Variants in CSMD1 observed in about 807,000 individuals in gnomAD.
The protein encoded by CSMD1 is CUB and sushi domain-containing protein 1.
Under a neutral mutation model 417.5 loss-of-function variants are expected in CSMD1, and 213 were observed. The observed-to-expected ratio is 0.51, with a 90% CI of 0.46 to 0.57. CSMD1 has a LOEUF of 0.57. Ranked by LOEUF, CSMD1 falls within the 20% of genes least tolerant of loss-of-function variation. CSMD1 has a pLI of 0.00. For synonymous variants in CSMD1, 2,862 were observed against 1,736.8 expected (o/e 1.65, Z -16.11); for missense variants, 6,923 against 4,529.7 (o/e 1.53, Z -15.17).
intron 1 of CSMD1, among the ~76,000 whole-genome samples, chr8:4,740,912 C>G (rs2117003892): frequency 6.6e-6 from 1 of 152,258 alleles, no homozygotes; most frequent in East Asian, 1.9e-4. Flanking sequence ...ACTTTCCTGA[C>G]TTTAAAGTTT....
At chr8:3,960,904 C>T (rs1331549211) in intron 5 of CSMD1, among the ~76,000 whole-genome samples, 3 of 151,924 alleles carry the variant, frequency 2.0e-5, no homozygotes, top group African/African-American at 7.2e-5. Context: ...TCACAAAAGT[C>T]CTCTAGACTT....
intron 1 of CSMD1, among the ~76,000 whole-genome samples, chr8:4,743,558 C>G (rs957136803): frequency 2.0e-5 from 3 of 152,170 alleles, no homozygotes; most frequent in Non-Finnish European, 2.9e-5. Flanking sequence ...CCGTCATTAA[C>G]CACAGAGAGT....
At chr8:4,552,642 G>T (rs1373475564) in intron 2 of CSMD1, among the ~76,000 whole-genome samples, 1 of 152,064 alleles carries the variant, frequency 6.6e-6, no homozygotes, top group Non-Finnish European at 1.5e-5. Context: ...AATGAAAGCT[G>T]TTTTCTGAGG....
intron 5 of CSMD1, among the ~76,000 whole-genome samples, chr8:3,910,337 C>A (rs543370154): frequency 6.6e-6 from 1 of 152,098 alleles, no homozygotes; most frequent in African/African-American, 2.4e-5. Flanking sequence ...TGCAAACTGA[C>A]GACAGGGTGG....
At chr8:4,186,571 A>AG (rs1263040536) in intron 3 of CSMD1, among the ~76,000 whole-genome samples, 1 of 152,208 alleles carries the variant, frequency 6.6e-6, no homozygotes, top group Non-Finnish European at 1.5e-5. Context: ...AATAATAGGA[A>AG]GGGTCTCAGC....
intron 3 of CSMD1, among the ~76,000 whole-genome samples, chr8:4,230,579 A>C (rs1221929320): frequency 1.3e-5 from 2 of 152,150 alleles, no homozygotes; most frequent in Admixed American, 1.3e-4. Context: ...CATAAAACAC[A>C]TCCTTAATGT....
chr8:4,413,027 T>C (rs1796733225), intron 3 of CSMD1, among the ~76,000 whole-genome samples: 1 of 152,210 alleles, frequency 6.6e-6, no homozygotes, highest in Non-Finnish European at 1.5e-5. Context: ...GTCTATACAA[T>C]GTTCTTTCCA....
At chr8:3,788,951 G>T (rs1010591256) in intron 5 of CSMD1, among the ~76,000 whole-genome samples, 1 of 152,178 alleles carries the variant, frequency 6.6e-6, no homozygotes, top group Non-Finnish European at 1.5e-5. Context: ...CAGTATTGTA[G>T]AATTTAAATG....
chr8:4,728,444 G>C (rs1301927170), intron 1 of CSMD1, among the ~76,000 whole-genome samples: 1 of 151,998 alleles, frequency 6.6e-6, no homozygotes, highest in Non-Finnish European at 1.5e-5. Flanking sequence ...TTTCAGTCTT[G>C]TTACCAATTG....
intron 1 of CSMD1, among the ~76,000 whole-genome samples, chr8:4,874,826 T>A (rs1802949731): frequency 1.3e-5 from 2 of 149,842 alleles, no homozygotes; most frequent in South Asian, 4.2e-4. Context: ...ACACACACAC[T>A]TAATTCTGGT....
intron 10 of CSMD1, among the ~76,000 whole-genome samples, chr8:3,555,630 TTAAAG>T (rs1480377653): frequency 6.6e-6 from 1 of 152,204 alleles, no homozygotes; most frequent in Non-Finnish European, 1.5e-5. Context: ...ACATATAAAT[TTAAAG>T]TAAATATGGA....
chr8:3,291,955 T>C (rs12682597), intron 25 of CSMD1, among the ~76,000 whole-genome samples: 5,663 of 152,148 alleles, frequency 0.037, 169 homozygotes, highest in Admixed American at 0.088. Context: ...CTTTCTCTTG[T>C]GGGCATTTAG....
chr8:3,440,988 T>C (rs1814944830), intron 12 of CSMD1, among the ~76,000 whole-genome samples: 2 of 152,170 alleles, frequency 1.3e-5, no homozygotes, highest in Admixed American at 1.3e-4. Context: ...TAGTTAAACA[T>C]CCTGAGATTA....
chr8:3,307,510 T>A (rs1041554344), intron 25 of CSMD1, among the ~76,000 whole-genome samples, 185 bp downstream of exon 25: 10 of 152,210 alleles, frequency 6.6e-5, no homozygotes, highest in Admixed American at 5.9e-4. Context: ...TAGAACTTAA[T>A]TAATGGTTTC....
At chr8:3,668,747 G>A (rs1304866081) in intron 7 of CSMD1, among the ~76,000 whole-genome samples, 1 of 152,140 alleles carries the variant, frequency 6.6e-6, no homozygotes, top group African/African-American at 2.4e-5. Flanking sequence ...CAACGCTAGG[G>A]AAGACCCATA....
intron 3 of CSMD1, among the ~76,000 whole-genome samples, chr8:4,103,864 C>A (rs541463100): frequency 1.2e-4 from 19 of 152,286 alleles, no homozygotes; most frequent in Middle Eastern, 3.4e-3. Context: ...TTGTCTGGTG[C>A]TATATCTCTT....
chr8:3,869,009 C>G (rs559480751), intron 5 of CSMD1, among the ~76,000 whole-genome samples: 1 of 152,208 alleles, frequency 6.6e-6, no homozygotes, highest in African/African-American at 2.4e-5. Flanking sequence ...CCAGCTCTCT[C>G]GAAGTAACAG....
intron 1 of CSMD1, among the ~76,000 whole-genome samples, chr8:4,775,872 T>G (rs1168483346): frequency 2.0e-5 from 3 of 152,048 alleles, no homozygotes; most frequent in Non-Finnish European, 4.4e-5. Context: ...TAATGTACCA[T>G]AGGACAGAAA....
intron 3 of CSMD1, among the ~76,000 whole-genome samples, chr8:4,169,517 T>TCC (rs1236028259): frequency 6.6e-6 from 1 of 152,158 alleles, no homozygotes; most frequent in Non-Finnish European, 1.5e-5. Context: ...CCATTTTCTC[T>TCC]CCTCCAGATG....
Sources: allele counts gnomAD v4.1 joint callset (sites outside exome capture counted in the v4.1 genomes callset), GRCh38; gene constraint gnomAD v4.1.1; transcripts MANE v1.5; gene names NCBI Gene and HGNC (gene_info 2026-07-23, HGNC 2026-07-21).